Variants in RAB6B observed in about 807,000 individuals in gnomAD.
RAB6B encodes the protein ras-related protein Rab-6B.
RAB6B carries 7 observed loss-of-function variants against 31.2 expected under a neutral mutation model. The ratio of observed to expected loss-of-function variants is 0.22; its 90% CI spans 0.13 to 0.42. RAB6B has a LOEUF of 0.42. RAB6B is among the 10% of genes least tolerant of loss of function. The probability of loss-of-function intolerance (pLI) is 1.00; values close to 1 mark genes in which losing one functional copy is unlikely to be tolerated. For synonymous variants in RAB6B, 105 were observed against 104.9 expected, an observed-to-expected ratio of 1.00 and a Z score of -0.01; for missense variants, 149 against 280.6, an observed-to-expected ratio of 0.53 and a Z score of 3.35.
chr3:133,852,109 C>T (rs1007598169), intron 2 of RAB6B, among the ~76,000 whole-genome samples: 5 of 152,348 alleles, frequency 3.3e-5, no homozygotes, highest in Admixed American at 3.3e-4. Context: ...CCAGCCAATA[C>T]AAGATTGCCA....
At chr3:133,882,310 T>C (rs1248991153) in intron 1 of RAB6B, among the ~76,000 whole-genome samples, 1 of 152,214 alleles carries the variant, frequency 6.6e-6, no homozygotes, top group East Asian at 1.9e-4. Flanking sequence ...CAACATAACC[T>C]GATTGAAGGA....
At chr3:133,859,699 G>A (rs1278487330) in intron 2 of RAB6B, among the ~76,000 whole-genome samples, 3 of 152,190 alleles carry the variant, frequency 2.0e-5, no homozygotes, top group Non-Finnish European at 2.9e-5. Context: ...AGCCTTCCAT[G>A]CACAGTGACC....
chr3:133,864,911 C>T (rs1559908548), intron 1 of RAB6B, among the ~76,000 whole-genome samples: 1 of 152,238 alleles, frequency 6.6e-6, no homozygotes, highest in Non-Finnish European at 1.5e-5. Flanking sequence ...ATTTCCACTA[C>T]CCAAATCCAG....
chr3:133,860,000 C>T (rs1200261982), intron 2 of RAB6B, among the ~76,000 whole-genome samples: 4 of 152,182 alleles, frequency 2.6e-5, no homozygotes, highest in Non-Finnish European at 4.4e-5. Context: ...GGTCGAGATG[C>T]TGGGCAGGAG....
At chr3:133,839,286 C>T (rs537419587) in intron 5 of RAB6B, among the ~76,000 whole-genome samples, 6 of 152,320 alleles carry the variant, frequency 3.9e-5, no homozygotes, top group South Asian at 2.1e-4. Context: ...AGAAGTGCCC[C>T]GCCCCTGCCT....
intron 7 of RAB6B, among the ~76,000 whole-genome samples, chr3:133,833,984 T>C (rs147688352): frequency 3.9e-5 from 6 of 152,216 alleles, no homozygotes; most frequent in Non-Finnish European, 7.4e-5. Context: ...TTACATGCTG[T>C]GTGACACTGG....
intron 1 of RAB6B, among the ~76,000 whole-genome samples, chr3:133,868,883 T>C (rs1045992138): frequency 2.0e-5 from 3 of 152,126 alleles, no homozygotes; most frequent in African/African-American, 4.8e-5. Flanking sequence ...CACGATCCAA[T>C]GAGTTAGTTA....
At chr3:133,833,469 T>A (rs1440976268) in intron 7 of RAB6B, among the ~76,000 whole-genome samples, 2 of 152,068 alleles carry the variant, frequency 1.3e-5, no homozygotes, top group Non-Finnish European at 2.9e-5. Context: ...CTCTGAGAGC[T>A]CCTTGAGCAA....
At chr3:133,849,381 T>C (rs1935947587) in intron 2 of RAB6B, among the ~76,000 whole-genome samples, 1 of 152,234 alleles carries the variant, frequency 6.6e-6, no homozygotes, top group South Asian at 2.1e-4. Context: ...TCACAATCTC[T>C]GGGAATCAGA....
intron 1 of RAB6B, 148 bp from the exon 2 acceptor site, chr3:133,864,790 T>C: frequency 2.6e-6 from 2 of 779,482 alleles, no homozygotes; most frequent in Non-Finnish European, 2.2e-6. Context: ...GACAGGCCCC[T>C]GCTAGGGACC....
chr3:133,863,746 A>G (rs1936195294), intron 2 of RAB6B, among the ~76,000 whole-genome samples: 1 of 152,122 alleles, frequency 6.6e-6, no homozygotes, highest in Non-Finnish European at 1.5e-5. Context: ...TTAGTATCTC[A>G]CAGAATCCAC....
chr3:133,840,864 G>C (rs1576395059), intron 4 of RAB6B, among the ~76,000 whole-genome samples: 1 of 152,172 alleles, frequency 6.6e-6, no homozygotes, highest in East Asian at 1.9e-4. Context: ...TGCACCCACA[G>C]CTGCTGGGCC....
chr3:133,839,438 TC>T lies in RAB6B; in HGVS notation c.401+67del, dbSNP rs1935788034. ...ACACACCACCCATGCATCCCAGAGC[TC>T]CCTGTCCAGGAGCAGTTACAGAGGA... On this transcript the variant is annotated intron_variant, in intron 5 of 7. Transcript: ENST00000285208. 2.2e-6 allele frequency: 3 copies of T among 1,360,634 alleles called. No individual in the cohort carries two copies. The Admixed American group carries it at 5.0e-5, about 23-fold the overall frequency. The allele number at this position is 1,360,634 out of a possible 1,614,324, so 84.3% of individuals were successfully genotyped here. A position where few individuals can be genotyped will look rare whatever the true frequency, so the allele number is the denominator to read the frequency against.
At chr3:133,867,105 C>T (rs1265586393) in intron 1 of RAB6B, among the ~76,000 whole-genome samples, 1 of 152,236 alleles carries the variant, frequency 6.6e-6, no homozygotes, top group Non-Finnish European at 1.5e-5. Flanking sequence ...CAAGGTGCCT[C>T]TCCATGAGAC....
Position 133,828,659 on chromosome 3 carries a change from T to C in RAB6B, c.*129A>G. 3.8e-6 allele frequency: 2 copies of C among 525,576 alleles called. No individual in the cohort carries two copies. The highest frequency in any genetic ancestry group is 2.0e-5 in the African/African-American group (1 of 50,770). 32.6% of individuals were successfully genotyped at this position (525,576 alleles called of 1,614,324 possible). On this transcript the variant is annotated 3_prime_UTR_variant, in exon 8 of 8. Coordinates refer to ENST00000285208, the MANE Select transcript of RAB6B (RefSeq NM_016577.4). ...CTCCCTCCCCATCCCACCCTACTCC[T>C]AAAGACAGAGAGAAAAGAAAAATCC...
chr3:133,888,048 A>C (rs1252464121), intron 1 of RAB6B, among the ~76,000 whole-genome samples: 1 of 152,108 alleles, frequency 6.6e-6, no homozygotes, highest in Non-Finnish European at 1.5e-5. Flanking sequence ...GCTTGGCACA[A>C]ACACTCCCCA....
Position 133,827,914 on chromosome 3 carries a change from A to G in RAB6B, c.*874T>C, listed in dbSNP as rs1935595518. ...CTGACTGCTGGGTGGGCTGGTTAAA[A>G]TATTTTCAGAAGTACACATGGCACC... On this transcript the variant is annotated 3_prime_UTR_variant, in exon 8 of 8. Transcript: ENST00000285208. The G allele has an allele frequency of 1.4e-6, 1 of 702,742 alleles. No individual in the cohort carries two copies. The highest frequency in any genetic ancestry group is 1.7e-5 in the African/African-American group (1 of 57,206). The allele number at this position is 702,742 out of a possible 1,614,324, so 43.5% of individuals were successfully genotyped here.
At chr3:133,846,450 A>G (rs1235497457) in intron 2 of RAB6B, among the ~76,000 whole-genome samples, 1 of 152,208 alleles carries the variant, frequency 6.6e-6, no homozygotes, top group Non-Finnish European at 1.5e-5. Context: ...CTGTCTCCCA[A>G]AAAATAATAA....
chr3:133,889,000 T>TC (rs1397656090), intron 1 of RAB6B, among the ~76,000 whole-genome samples: 3 of 152,140 alleles, frequency 2.0e-5, no homozygotes, highest in African/African-American at 7.2e-5. Context: ...CTCTTCCCTG[T>TC]GGTGAGAAAT....
Sources: gnomAD v4.1 joint callset for allele counts (sites outside exome capture counted in the v4.1 genomes callset) on GRCh38, gnomAD v4.1.1 for gene constraint, MANE v1.5 for transcripts, NCBI Gene and HGNC (gene_info 2026-07-23, HGNC 2026-07-21) for gene names.